The following KHDRBS2 variants were observed in gnomAD, a reference collection of about 807,000 sequenced individuals.
KHDRBS2 encodes KH domain-containing, RNA-binding, signal transduction-associated protein 2.
KHDRBS2 carries 26 observed loss-of-function variants against 44.3 expected under a neutral mutation model. The ratio of observed to expected loss-of-function variants is 0.59; its 90% confidence interval spans 0.43 to 0.81. KHDRBS2 has a LOEUF of 0.81. Ranked by LOEUF, KHDRBS2 falls within the 40% of genes least tolerant of loss-of-function variation. The pLI is 0.00. For synonymous variants in KHDRBS2, 194 were observed against 151.1 expected (o/e 1.28, Z -2.08); for missense variants, 476 against 433.1 (o/e 1.10, Z -0.88).
chr6:62,286,113 C>G lies in KHDRBS2; in HGVS notation c.-165G>C. 5.2e-6 allele frequency: 3 copies of G among 581,170 alleles called. No homozygotes were observed. Among genetic ancestry groups the G allele is most frequent in the Non-Finnish European group, 9.0e-6 (3 of 331,966 alleles). 36.0% of individuals were successfully genotyped at this position (581,170 alleles called of 1,614,324 possible). A position where few individuals can be genotyped will look rare whatever the true frequency, so the allele number is the denominator to read the frequency against. On this transcript the variant is annotated 5_prime_UTR_variant, in exon 1 of 9. Coordinates refer to ENST00000281156, the MANE Select transcript of KHDRBS2 (RefSeq NM_152688.4). ...ATGCACCCAGCACCTGCGACTCCCGCCGTCGGGCTGCGTGGCCCCGCGCCC... is the reference window on the plus strand; with the variant it reads ...ATGCACCCAGCACCTGCGACTCCCGGCGTCGGGCTGCGTGGCCCCGCGCCC...
At chr6:62,090,829 T>C (rs900429071) in intron 2 of KHDRBS2, among the ~76,000 whole-genome samples, 77 of 152,176 alleles carry the variant, frequency 5.1e-4, no homozygotes, top group African/African-American at 1.7e-3. Flanking sequence ...GTCTCCTAAA[T>C]GGAGGAGGAA....
chr6:61,767,910 C>T (rs1225874152), intron 6 of KHDRBS2, among the ~76,000 whole-genome samples: 2 of 151,778 alleles, frequency 1.3e-5, no homozygotes, highest in African/African-American at 2.4e-5. Flanking sequence ...ATTATTTATA[C>T]ACCACACTTA....
chr6:62,032,102 A>C (rs1388408343), intron 3 of KHDRBS2, among the ~76,000 whole-genome samples: 1 of 152,094 alleles, frequency 6.6e-6, no homozygotes, highest in Non-Finnish European at 1.5e-5. Flanking sequence ...CAGTTAATCC[A>C]GAGAATTCTC....
chr6:62,093,187 T>C (rs913458156), intron 2 of KHDRBS2, among the ~76,000 whole-genome samples: 3 of 145,838 alleles, frequency 2.1e-5, no homozygotes, highest in Non-Finnish European at 1.5e-5. Flanking sequence ...AGGATAAAAC[T>C]AAGAAAATGG....
chr6:61,939,310 T>A (rs1016095142), intron 4 of KHDRBS2, among the ~76,000 whole-genome samples: 1 of 152,234 alleles, frequency 6.6e-6, no homozygotes, highest in Non-Finnish European at 1.5e-5. Context: ...CACTGTAACC[T>A]GCTCTATTTT....
chr6:61,739,838 A>T (rs1775903033), intron 6 of KHDRBS2, among the ~76,000 whole-genome samples: 1 of 151,960 alleles, frequency 6.6e-6, no homozygotes, highest in Non-Finnish European at 1.5e-5. Context: ...GATACACTAG[A>T]CATAAATAAC....
chr6:62,281,629 ATAAAATAAATTTT>A (rs1841818818), intron 1 of KHDRBS2, among the ~76,000 whole-genome samples: 1 of 152,144 alleles, frequency 6.6e-6, no homozygotes, highest in Admixed American at 6.5e-5. Flanking sequence ...CAAAAATAAA[ATAAAATAAATTTT>A]TAAAATACGG....
At chr6:62,116,674 C>A (rs1295736360) in intron 2 of KHDRBS2, among the ~76,000 whole-genome samples, 1 of 152,090 alleles carries the variant, frequency 6.6e-6, no homozygotes, top group African/African-American at 2.4e-5. Flanking sequence ...ACTATCATCT[C>A]CCTACTGTGC....
rs955295900 is a variant in KHDRBS2, at chr6:62,244,470, T to G, written c.91+41388A>C. 3.3e-5 allele frequency among the ~76,000 whole-genome samples: 5 copies of G among 152,192 alleles called. No homozygotes were observed. In the South Asian group the frequency reaches 6.2e-4, roughly 19 times the overall value. Reference sequence around the variant, plus strand: ...AGAAGTGAGAGAAGAGTAACAAGTGTCAACATTATGACATAATAAAGAAAG... The same window carrying G: ...AGAAGTGAGAGAAGAGTAACAAGTGGCAACATTATGACATAATAAAGAAAG... On this transcript the variant is annotated intron_variant, in intron 1 of 8. Transcript: ENST00000281156.
At chr6:62,070,214 A>T (rs1279417744) in intron 2 of KHDRBS2, among the ~76,000 whole-genome samples, 1 of 151,748 alleles carries the variant, frequency 6.6e-6, no homozygotes. Context: ...TAGTATTTTG[A>T]TGAAGACTTA....
Position 61,978,075 on chromosome 6 carries a change from G to A in KHDRBS2, c.474C>T (p.Phe158=), listed in dbSNP as rs1356410327. 2.5e-6 allele frequency: 4 copies of A among 1,589,002 alleles called. No homozygotes were observed. The highest frequency in any genetic ancestry group is 2.7e-5 in the African/African-American group (2 of 73,112). The change falls in exon 4 of 9, where the codon TTC becomes TTT. Residue 158 remains phenylalanine (F), a synonymous_variant. Transcript: ENST00000281156. ...MSHALEEIKK[F]LVPDYNDEIR... ...AATGAAAGACACTTACAGGAACCAG[G>A]AATTTTTTAATCTCTTCCAATGCAT...
At chr6:61,986,588 C>T (rs1482900769) in intron 3 of KHDRBS2, among the ~76,000 whole-genome samples, 2 of 152,102 alleles carry the variant, frequency 1.3e-5, no homozygotes, top group African/African-American at 2.4e-5. Flanking sequence ...CACTATATTT[C>T]TTAGTCTGGT....
chr6:62,285,914 G>T lies in KHDRBS2; in HGVS notation c.35C>A (p.Ala12Glu). ...EEEKYLPELM[A>E]EKDSLDPSFV... Reference sequence around the variant, plus strand: ...AGATGGATCCAGGCTATCTTTCTCTGCCATCAGCTCAGGCAAATATTTCTC... The same window carrying T: ...AGATGGATCCAGGCTATCTTTCTCTTCCATCAGCTCAGGCAAATATTTCTC... Residue 12 changes from alanine to glutamate, a missense_variant, in exon 1 of 9, where the codon GCA (alanine) becomes GAA (glutamate). Coordinates refer to ENST00000281156, the MANE Select transcript of KHDRBS2 (RefSeq NM_152688.4). The T allele has an allele frequency of 6.2e-7, 1 of 1,613,246 alleles. No homozygotes were observed.
At chr6:62,225,180 A>T (rs886792120) in intron 1 of KHDRBS2, among the ~76,000 whole-genome samples, 3 of 152,212 alleles carry the variant, frequency 2.0e-5, no homozygotes, top group African/African-American at 7.2e-5. Context: ...TCAGCATGTC[A>T]ATAGTACTGC....
At chr6:62,084,962 A>C (rs1190627029) in intron 2 of KHDRBS2, among the ~76,000 whole-genome samples, 4 of 152,178 alleles carry the variant, frequency 2.6e-5, no homozygotes, top group Non-Finnish European at 5.9e-5. Context: ...GTCCACAAAA[A>C]TAATTCTAAC....
intron 1 of KHDRBS2, among the ~76,000 whole-genome samples, chr6:62,237,140 G>C (rs1336724996): frequency 6.6e-6 from 1 of 152,154 alleles, no homozygotes; most frequent in Non-Finnish European, 1.5e-5. Flanking sequence ...TTATATGGAA[G>C]AGACTCTAAA....
intron 2 of KHDRBS2, among the ~76,000 whole-genome samples, chr6:62,171,436 G>A (rs376275716): frequency 1.3e-5 from 2 of 152,034 alleles, no homozygotes; most frequent in South Asian, 2.1e-4. Flanking sequence ...ATGGGATTAT[G>A]TAAAGAGATC....
At chr6:61,686,653 A>T (rs944652500) in intron 8 of KHDRBS2, among the ~76,000 whole-genome samples, 1 of 151,666 alleles carries the variant, frequency 6.6e-6, no homozygotes, top group Admixed American at 6.6e-5. Flanking sequence ...CAATTTTCCT[A>T]CAAGGTAGCT....
At chr6:61,997,140 T>C (rs1777352559) in intron 3 of KHDRBS2, among the ~76,000 whole-genome samples, 1 of 152,152 alleles carries the variant, frequency 6.6e-6, no homozygotes, top group South Asian at 2.1e-4. Flanking sequence ...TGTTAAAGCA[T>C]GTTTTGCACT....
Sources: gnomAD v4.1 joint callset for allele counts (sites outside exome capture counted in the v4.1 genomes callset) on GRCh38, gnomAD v4.1.1 for gene constraint, MANE v1.5 for transcripts, NCBI Gene and HGNC (gene_info 2026-07-23, HGNC 2026-07-21) for gene names.